FHIT: variants seen among roughly 807,000 people sequenced by gnomAD.
FHIT encodes fragile histidine triad diadenosine triphosphatase.
FHIT carries 19 observed loss-of-function variants against 17.9 expected under a neutral mutation model. The observed-to-expected ratio is 1.06, with a 90% CI of 0.74 to 1.56. FHIT has a LOEUF of 1.56. Among genes scored for constraint, FHIT ranks in the 40% most tolerant of loss-of-function variants. The pLI is 0.00. For missense variants in FHIT, 248 were observed against 189.2 expected (o/e 1.31, Z -1.82); for synonymous variants, 81 against 69.7 (o/e 1.16, Z -0.81).
At chr3:61,151,026 A>G (rs1183118836) in intron 2 of FHIT, among the ~76,000 whole-genome samples, 1 of 152,240 alleles carries the variant, frequency 6.6e-6, no homozygotes. Flanking sequence ...AGAAATCTAC[A>G]CTGTGAAAAT....
At chr3:59,763,103 T>G (rs181002506) in intron 8 of FHIT, among the ~76,000 whole-genome samples, 1 of 152,130 alleles carries the variant, frequency 6.6e-6, no homozygotes, top group Non-Finnish European at 1.5e-5. Context: ...AATCCTAGAG[T>G]GATGTCAACC....
intron 7 of FHIT, among the ~76,000 whole-genome samples, chr3:59,936,357 T>G (rs1706239251): frequency 6.6e-6 from 1 of 152,172 alleles, no homozygotes; most frequent in African/African-American, 2.4e-5. Flanking sequence ...AAAAAAGGAT[T>G]TGGATGCAAA....
intron 1 of FHIT, among the ~76,000 whole-genome samples, chr3:61,222,618 C>A (rs2039869268): frequency 6.6e-6 from 1 of 152,080 alleles, no homozygotes; most frequent in Admixed American, 6.6e-5. Context: ...GGCTGCTGAG[C>A]CTGGGGACCA....
chr3:59,959,185 G>A (rs1336580858), intron 7 of FHIT, among the ~76,000 whole-genome samples: 1 of 152,106 alleles, frequency 6.6e-6, no homozygotes, highest in Non-Finnish European at 1.5e-5. Flanking sequence ...GTGTGTATAG[G>A]GAGAGTGATG....
intron 5 of FHIT, among the ~76,000 whole-genome samples, chr3:60,189,092 A>G (rs1702284814): frequency 6.6e-6 from 1 of 152,144 alleles, no homozygotes; most frequent in South Asian, 2.1e-4. Context: ...GCCCCTGCCT[A>G]CAAAATTGCA....
At chr3:60,333,589 CATA>C (rs1460102837) in intron 5 of FHIT, among the ~76,000 whole-genome samples, 14 of 151,766 alleles carry the variant, frequency 9.2e-5, no homozygotes, top group African/African-American at 3.4e-4. Flanking sequence ...AAGAAAAAAA[CATA>C]ATATTGCATG....
intron 4 of FHIT, among the ~76,000 whole-genome samples, chr3:60,711,745 A>G (rs1180179749): frequency 7.9e-5 from 12 of 152,206 alleles, no homozygotes; most frequent in African/African-American, 2.9e-4. Context: ...AAAAGAAATG[A>G]ACAAAGCCTC....
chr3:60,576,182 A>C (rs1285126703), intron 4 of FHIT, among the ~76,000 whole-genome samples: 3 of 152,158 alleles, frequency 2.0e-5, no homozygotes, highest in African/African-American at 7.2e-5. Flanking sequence ...GGAAAAAATC[A>C]GTTTAAGAGG....
At chr3:59,870,456 A>G (rs1236207590) in intron 8 of FHIT, among the ~76,000 whole-genome samples, 1 of 152,224 alleles carries the variant, frequency 6.6e-6, no homozygotes, top group East Asian at 1.9e-4. Context: ...TCAAGAAAAT[A>G]AAATCATAGT....
chr3:60,691,796 C>T (rs2040997859), intron 4 of FHIT, among the ~76,000 whole-genome samples: 2 of 152,132 alleles, frequency 1.3e-5, no homozygotes, highest in Non-Finnish European at 2.9e-5. Flanking sequence ...CTACTTTTTA[C>T]AATCTAAACT....
At chr3:59,799,650 T>C (rs1032969738) in intron 8 of FHIT, among the ~76,000 whole-genome samples, 1 of 152,178 alleles carries the variant, frequency 6.6e-6, no homozygotes, top group Non-Finnish European at 1.5e-5. Context: ...TGGAGGGGGA[T>C]AGGGAAGAGA....
chr3:59,919,301 G>C (rs765107619), intron 8 of FHIT, among the ~76,000 whole-genome samples: 21 of 152,140 alleles, frequency 1.4e-4, no homozygotes, highest in Non-Finnish European at 2.4e-4. Context: ...CACTCTTTAA[G>C]TGTTCATTTT....
In FHIT at chr3:59,797,160, T is replaced by G. The variant is rs145191359; in HGVS notation, c.349-44839A>C. 6.3e-3 allele frequency among the ~76,000 whole-genome samples: 959 copies of G among 151,894 alleles called. 16 individuals are homozygous for G. Among genetic ancestry groups the G allele is most frequent in the African/African-American group, 0.022 (930 of 41,412 alleles). On this transcript the variant is annotated intron_variant, in intron 8 of 9. Transcript: ENST00000492590. ...AGTTTTCCATGTTTAATATTATAAG[T>G]CACCACAAAGTATTATTTTGATATT...
chr3:60,392,993 A>G (rs1016114615), intron 5 of FHIT, among the ~76,000 whole-genome samples: 8 of 152,146 alleles, frequency 5.3e-5, no homozygotes, highest in African/African-American at 1.9e-4. Context: ...CCTCTCCACC[A>G]TGACAATGCT....
At chr3:61,177,176 C>CA (rs776705930) in intron 2 of FHIT, among the ~76,000 whole-genome samples, 1,179 of 92,334 alleles carry the variant, frequency 0.013, 6 homozygotes, top group South Asian at 0.02. Context: ...GACTCCATCT[C>CA]AAAAAAAAAA....
At chr3:60,652,334 T>C (rs1237243984) in intron 4 of FHIT, among the ~76,000 whole-genome samples, 1 of 152,054 alleles carries the variant, frequency 6.6e-6, no homozygotes, top group African/African-American at 2.4e-5. Context: ...GGCGTGGTAG[T>C]TCACGTCTGT....
At chr3:60,428,956 T>C (rs1267771164) in intron 5 of FHIT, among the ~76,000 whole-genome samples, 1 of 152,134 alleles carries the variant, frequency 6.6e-6, no homozygotes, top group Admixed American at 6.6e-5. Context: ...TCAGTTACTC[T>C]GCTTGGCCTT....
At chr3:60,615,224 G>T (rs1315270244) in intron 4 of FHIT, among the ~76,000 whole-genome samples, 2 of 152,104 alleles carry the variant, frequency 1.3e-5, no homozygotes, top group African/African-American at 4.8e-5. Flanking sequence ...TTTCCTGGAG[G>T]GATGGAAACA....
chr3:59,969,142 AAAC>A (rs1240249147), intron 7 of FHIT, among the ~76,000 whole-genome samples: 1 of 152,172 alleles, frequency 6.6e-6, no homozygotes, highest in Non-Finnish European at 1.5e-5. Flanking sequence ...CTCGTAGGGA[AAAC>A]AACAATAGAA....
Sources: gnomAD v4.1 joint callset for allele counts (sites outside exome capture counted in the v4.1 genomes callset) on GRCh38, gnomAD v4.1.1 for gene constraint, MANE v1.5 for transcripts, NCBI Gene and HGNC (gene_info 2026-07-23, HGNC 2026-07-21) for gene names.